Variants in NT5C2 observed in about 807,000 individuals in gnomAD.
NT5C2 encodes the protein cytosolic purine 5'-nucleotidase.
A neutral mutation model predicts 76.1 loss-of-function variants in NT5C2; 58 were observed. The ratio of observed to expected loss-of-function variants is 0.76; its 90% CI spans 0.62 to 0.95. The LOEUF (loss-of-function observed/expected upper bound fraction) is 0.95. NT5C2 is among the 40% of genes least tolerant of loss of function. NT5C2 has a pLI of 0.00. For synonymous variants in NT5C2, 229 were observed against 237.4 expected, an observed-to-expected ratio of 0.96 and a Z score of 0.32; for missense variants, 478 against 690.3, an observed-to-expected ratio of 0.69 and a Z score of 3.45.
chr10:103,169,336 A>G (rs2087227948), intron 3 of NT5C2: 1 of 152,196 alleles, frequency 6.6e-6, no homozygotes, highest in African/African-American at 2.4e-5. Flanking sequence ...TATTTTAAAC[A>G]CGGGGCATGG....
intron 4 of NT5C2, among the ~76,000 whole-genome samples, chr10:103,110,831 C>T (rs1202458282): frequency 9.2e-5 from 14 of 152,104 alleles, no homozygotes; most frequent in East Asian, 1.9e-4. Flanking sequence ...AGGTTGGAGA[C>T]GCAGAATTGC....
At chr10:103,191,433 G>A (rs1482867591) in intron 1 of NT5C2, among the ~76,000 whole-genome samples, 1 of 150,628 alleles carries the variant, frequency 6.6e-6, no homozygotes, top group African/African-American at 2.4e-5. Flanking sequence ...AAAAAAACCT[G>A]TGTTTTATGT....
At chr10:103,090,046 T>A (rs1253067614) in intron 18 of NT5C2, 138 bp from the exon 19 acceptor site, 3 of 593,520 alleles carry the variant, frequency 5.1e-6, no homozygotes, top group Admixed American at 7.1e-5. Flanking sequence ...TATAGACTTA[T>A]CTTCATAGAA....
chr10:103,181,074 C>T (rs952627396), intron 2 of NT5C2, 111 bp downstream of exon 2: 1 of 152,000 alleles, frequency 6.6e-6, no homozygotes, highest in Non-Finnish European at 1.5e-5. Context: ...CCCAGGAAAA[C>T]TTTTGGGGAG....
At chr10:103,188,421 A>C (rs2092306111) in intron 1 of NT5C2, among the ~76,000 whole-genome samples, 1 of 152,210 alleles carries the variant, frequency 6.6e-6, no homozygotes, top group East Asian at 1.9e-4. Context: ...CAATAAACCT[A>C]AATGTGAAAA....
rs1348834719 is a variant in NT5C2, at chr10:103,101,067, T to TA, written c.516dup (p.Thr173TyrfsTer2). The TA allele has an allele frequency of 5.7e-6, 9 of 1,576,234 alleles. No individual in the cohort carries two copies. The highest frequency in any genetic ancestry group is 7.0e-6 in the Non-Finnish European group (8 of 1,145,748). Reference sequence around the variant, plus strand: ...TACCTGGTATATCTGGGACAATTAGTAAAAAAATCTACTAGGCAGGCCAAC... The same window carrying TA: ...TACCTGGTATATCTGGGACAATTAGTAAAAAAAATCTACTAGGCAGGCCAAC... On this transcript the variant is annotated frameshift_variant, in exon 8 of 19. Coordinates refer to ENST00000404739, the MANE Select transcript of NT5C2 (RefSeq NM_001351169.2). LOFTEE classifies it high-confidence loss of function.
Position 103,088,188 on chromosome 10 carries a change from A to C in NT5C2, c.*1484T>G, listed in dbSNP as rs2065925183. The stretch of plus-strand genomic sequence containing the variant: ...ATTACACTTTATTGAATTCTGGAGC[A>C]GCTAATCTACCCTCCCCTATTGACC... On this transcript the variant is annotated 3_prime_UTR_variant, in exon 19 of 19. Coordinates refer to ENST00000404739, the MANE Select transcript of NT5C2 (RefSeq NM_001351169.2). The C allele has an allele frequency of 1.3e-5, 2 of 152,246 alleles. No homozygotes were observed. The highest frequency in any genetic ancestry group is 4.8e-5 in the African/African-American group (2 of 41,466). The allele number at this position is 152,246 out of a possible 1,614,324, so 9.4% of individuals were successfully genotyped here.
chr10:103,100,070 A>G, intron 8 of NT5C2, 51 bp from the exon 9 acceptor site: 1 of 1,248,132 alleles, frequency 8.0e-7, no homozygotes, highest in Non-Finnish European at 1.2e-6. Context: ...AGGGTAAACA[A>G]AATATATATC....
chr10:103,139,807 A>G (rs1013327671), intron 3 of NT5C2, among the ~76,000 whole-genome samples: 3 of 152,220 alleles, frequency 2.0e-5, no homozygotes, highest in Admixed American at 2.0e-4. Flanking sequence ...ACATAATACA[A>G]TATTATTAAA....
intron 1 of NT5C2, among the ~76,000 whole-genome samples, chr10:103,187,566 A>C (rs1446851043): frequency 2.6e-5 from 4 of 151,954 alleles, no homozygotes; most frequent in East Asian, 1.9e-4. Flanking sequence ...AAAAAAAAAA[A>C]AAAAAACTTT....
intron 4 of NT5C2, chr10:103,125,272 G>A (rs1303173931): frequency 1.4e-5 from 9 of 656,876 alleles, no homozygotes; most frequent in Non-Finnish European, 2.2e-5. Flanking sequence ...ATTCGCCAAT[G>A]GAACCATGCT....
chr10:103,105,798 T>A lies in NT5C2; in HGVS notation c.297A>T (p.Gly99=). The A allele has an allele frequency of 6.2e-7, 1 of 1,607,612 alleles. No individual in the cohort carries two copies. The highest frequency in any genetic ancestry group is 8.5e-7 in the Non-Finnish European group (1 of 1,174,508). Residue 99 remains glycine (G), a synonymous_variant, in exon 6 of 19, where the codon GGA becomes GGT. Transcript: ENST00000404739. The stretch of plus-strand genomic sequence containing the variant: ...TTCCATACAGTGTGTCAAAGACAAG[T>A]CCCCTATGTGAAAATGAAGACATTA... ...FAYDSTFPTR[G]LVFDTLYGNL...
chr10:103,191,238 C>T (rs2092613059), intron 1 of NT5C2, among the ~76,000 whole-genome samples: 1 of 152,038 alleles, frequency 6.6e-6, no homozygotes. Flanking sequence ...CAAAATTAGC[C>T]AGGCGTGGTG....
intron 4 of NT5C2, among the ~76,000 whole-genome samples, chr10:103,126,055 G>C (rs1031863273): frequency 6.6e-6 from 1 of 152,030 alleles, no homozygotes; most frequent in Admixed American, 6.6e-5. Flanking sequence ...GGCTAAAAAA[G>C]ACTGTGTGCT....
At chr10:103,188,424 T>C (rs796564556) in intron 1 of NT5C2, among the ~76,000 whole-genome samples, 5 of 152,156 alleles carry the variant, frequency 3.3e-5, no homozygotes, top group African/African-American at 9.6e-5. Flanking sequence ...TAAACCTAAA[T>C]GTGAAAAAGC....
At chr10:103,191,368 G>A (rs1445454943) in intron 1 of NT5C2, among the ~76,000 whole-genome samples, 1 of 135,390 alleles carries the variant, frequency 7.4e-6, no homozygotes, top group African/African-American at 2.8e-5. Context: ...GCCAACAAGA[G>A]CAAAGCTCCG....
At chr10:103,097,791 A>G (rs2134924633) in intron 10 of NT5C2, among the ~76,000 whole-genome samples, 1 of 152,356 alleles carries the variant, frequency 6.6e-6, no homozygotes, top group East Asian at 1.9e-4. Flanking sequence ...TGTGTACACT[A>G]TGGTTTTATA....
chr10:103,138,572 G>C (rs2079762834), intron 4 of NT5C2, among the ~76,000 whole-genome samples: 1 of 152,106 alleles, frequency 6.6e-6, no homozygotes, highest in Non-Finnish European at 1.5e-5. Context: ...GAGAATGATG[G>C]CTTCTAGCTT....
intron 4 of NT5C2, among the ~76,000 whole-genome samples, chr10:103,137,657 C>CA (rs2079550341): frequency 6.6e-6 from 1 of 152,116 alleles, no homozygotes; most frequent in Admixed American, 6.6e-5. Flanking sequence ...AATTTTTTAA[C>CA]AGACAATTTC....
Sources: allele counts gnomAD v4.1 joint callset (sites outside exome capture counted in the v4.1 genomes callset), GRCh38; gene constraint gnomAD v4.1.1; transcripts MANE v1.5; gene names NCBI Gene and HGNC (gene_info 2026-07-23, HGNC 2026-07-21).